LIMA1: variants seen among roughly 807,000 people sequenced by gnomAD.
The protein encoded by LIMA1 is LIM domain and actin-binding protein 1.
In LIMA1, 52 loss-of-function variants were observed where a neutral mutation model predicts 62.6. That is an observed-to-expected ratio of 0.83 (90% CI 0.67 to 1.05). The LOEUF (loss-of-function observed/expected upper bound fraction) is 1.05, where lower values mean the gene tolerates loss of function less well. LIMA1 is among the 50% of genes least tolerant of loss of function. The pLI is 0.00. For synonymous variants in LIMA1, 302 were observed against 317.8 expected, an observed-to-expected ratio of 0.95 and a Z score of 0.53; for missense variants, 780 against 902.2, an observed-to-expected ratio of 0.86 and a Z score of 1.74.
At chr12:50,213,851 A>G (rs1941298768) in intron 4 of LIMA1, among the ~76,000 whole-genome samples, 1 of 152,240 alleles carries the variant, frequency 6.6e-6, no homozygotes, top group Non-Finnish European at 1.5e-5. Context: ...ATGTTTTACT[A>G]TAATGAAACT....
At chr12:50,237,446 G>A (rs1318315222) in intron 2 of LIMA1, among the ~76,000 whole-genome samples, 1 of 152,156 alleles carries the variant, frequency 6.6e-6, no homozygotes, top group East Asian at 1.9e-4. Flanking sequence ...AGGCCAGCCT[G>A]GCCAACATGG....
Position 50,193,648 on chromosome 12 carries a change from G to A in LIMA1, c.1031-1087C>T, listed in dbSNP as rs866666168. Among the ~76,000 whole-genome samples the A allele has an allele frequency of 3.3e-3, 184 of 55,476 alleles. 1 individual carries two copies. Among genetic ancestry groups the A allele is most frequent in the African/African-American group, 0.014 (172 of 12,134 alleles). 36.4% of individuals were successfully genotyped at this position (55,476 alleles called of 152,430 possible). A position where few individuals can be genotyped will look rare whatever the true frequency, so the allele number is the denominator to read the frequency against. On this transcript the variant is annotated intron_variant, in intron 8 of 10. Transcript: ENST00000341247. ...TATATATACGTGTGTGTGTGTGTGT[G>A]TGTATATATATATATATATTTTTTT...
chr12:50,239,996 A>AATAAT (rs1555208899), intron 2 of LIMA1, among the ~76,000 whole-genome samples: 10 of 128,580 alleles, frequency 7.8e-5, no homozygotes, highest in African/African-American at 2.9e-4. Flanking sequence ...TCTATCTCAA[A>AATAAT]ATAACATAAC....
At chr12:50,272,701 C>T (rs932130533) in intron 1 of LIMA1, among the ~76,000 whole-genome samples, 15 of 151,866 alleles carry the variant, frequency 9.9e-5, no homozygotes, top group Non-Finnish European at 2.2e-4. Flanking sequence ...CACCGCCACA[C>T]AAGTGATAAA....
chr12:50,255,897 A>AT (rs535577778), intron 1 of LIMA1, among the ~76,000 whole-genome samples: 150 of 149,722 alleles, frequency 1.0e-3, no homozygotes, highest in African/African-American at 2.5e-3. Context: ...ATAGTTATTT[A>AT]TTTTTTTTTT....
intron 5 of LIMA1, among the ~76,000 whole-genome samples, chr12:50,205,003 A>G (rs909201497): frequency 6.6e-6 from 1 of 152,224 alleles, no homozygotes; most frequent in African/African-American, 2.4e-5. Flanking sequence ...AATCAGGAAT[A>G]TAATTGTCAT....
At chr12:50,227,516 C>A (rs1476958456) in intron 3 of LIMA1, among the ~76,000 whole-genome samples, 1 of 152,148 alleles carries the variant, frequency 6.6e-6, no homozygotes, top group Non-Finnish European at 1.5e-5. Flanking sequence ...ATGTGAGCCA[C>A]CGTGCCAGGC....
At chr12:50,218,135 G>A (rs1941379390) in intron 4 of LIMA1, 1 of 152,270 alleles carries the variant, frequency 6.6e-6, no homozygotes, top group African/African-American at 2.4e-5. Flanking sequence ...TCAATCTCCT[G>A]ACTTCGTGAT....
rs577695460 is a variant in LIMA1, at chr12:50,190,627, G to A, written c.1140+1825C>T. 1.6e-4 allele frequency among the ~76,000 whole-genome samples: 22 copies of A among 138,916 alleles called. No homozygotes were observed. The East Asian group carries it at 4.1e-3, about 26-fold the overall frequency. 91.1% of individuals were successfully genotyped at this position (138,916 alleles called of 152,430 possible). On this transcript the variant is annotated intron_variant, in intron 9 of 10. Transcript: ENST00000341247. Reference sequence around the variant, plus strand: ...ACTCCCGACCTCAGGTGATCCGCCCGTCTCAGCCTCCCAAAGTGCTGGGAT... The same window carrying A: ...ACTCCCGACCTCAGGTGATCCGCCCATCTCAGCCTCCCAAAGTGCTGGGAT...
chr12:50,243,454 T>C (rs1941805955), intron 2 of LIMA1, among the ~76,000 whole-genome samples: 1 of 152,230 alleles, frequency 6.6e-6, no homozygotes, highest in African/African-American at 2.4e-5. Flanking sequence ...TCTACAGCCA[T>C]ACCACCCTCA....
In LIMA1 at chr12:50,178,082, G is replaced by A; in HGVS notation, c.1275-13C>T. ...ATATGTTCCTAGACTGTCATTAAAA[G>A]AAAAAAAGCATAAACTTAGCAAATC... On this transcript the variant is annotated splice_polypyrimidine_tract_variant and intron_variant, in intron 10 of 10. Coordinates refer to ENST00000341247, the MANE Select transcript of LIMA1 (RefSeq NM_016357.5). 1 of 1,415,162 alleles carries A rather than the reference G, an allele frequency of 7.1e-7. No homozygotes were observed. 87.7% of individuals were successfully genotyped at this position (1,415,162 alleles called of 1,614,324 possible).
At chr12:50,233,671 G>C (rs1941646186) in intron 2 of LIMA1, among the ~76,000 whole-genome samples, 1 of 152,164 alleles carries the variant, frequency 6.6e-6, no homozygotes, top group Admixed American at 6.5e-5. Context: ...TTACAGGCAT[G>C]TGCCACCATG....
At chr12:50,250,910 C>T (rs958431873) in intron 1 of LIMA1, among the ~76,000 whole-genome samples, 1 of 152,060 alleles carries the variant, frequency 6.6e-6, no homozygotes, top group Non-Finnish European at 1.5e-5. Flanking sequence ...AAGAAAAGAC[C>T]CTGATACAGA....
At chr12:50,266,015 G>A (rs1942134765) in intron 1 of LIMA1, among the ~76,000 whole-genome samples, 1 of 152,008 alleles carries the variant, frequency 6.6e-6, no homozygotes, top group African/African-American at 2.4e-5. Context: ...AGGCTCCTCG[G>A]TCAGTGACTG....
At chr12:50,193,852 G>C (rs1352446588) in intron 8 of LIMA1, among the ~76,000 whole-genome samples, 1 of 148,438 alleles carries the variant, frequency 6.7e-6, no homozygotes, top group East Asian at 2.0e-4. Flanking sequence ...TTTTGGTAGA[G>C]ACAGGGTTTC....
intron 1 of LIMA1, among the ~76,000 whole-genome samples, chr12:50,280,986 G>A (rs1390733075): frequency 1.3e-5 from 2 of 152,190 alleles, no homozygotes; most frequent in African/African-American, 2.4e-5. Flanking sequence ...CCTATCTGCA[G>A]AAAGGGTACA....
chr12:50,259,760 A>G (rs1015394828), intron 1 of LIMA1, among the ~76,000 whole-genome samples: 1 of 152,212 alleles, frequency 6.6e-6, no homozygotes, highest in Admixed American at 6.5e-5. Flanking sequence ...ACATGAATCT[A>G]GACAATAGCA....
chr12:50,250,503 T>C (rs1328226188), intron 1 of LIMA1, among the ~76,000 whole-genome samples: 1 of 128,824 alleles, frequency 7.8e-6, no homozygotes, highest in African/African-American at 3.1e-5. Flanking sequence ...AGTTGGAGGC[T>C]ACAATGAGCT....
rs186496958 is a variant in LIMA1 at position 50,185,715 on chromosome 12, T to C, written c.1141-3678A>G. 8 of 334,546 alleles carry C rather than the reference T, an allele frequency of 2.4e-5. No individual in the cohort carries two copies. The East Asian group carries it at 6.1e-4, about 26-fold the overall frequency. The allele number at this position is 334,546 out of a possible 1,614,324, so 20.7% of individuals were successfully genotyped here. A position where few individuals can be genotyped will look rare whatever the true frequency, so the allele number is the denominator to read the frequency against. On this transcript the variant is annotated intron_variant, in intron 9 of 10. Coordinates refer to ENST00000341247, the MANE Select transcript of LIMA1 (RefSeq NM_016357.5). ...GAGTGTCTCATTAACAATTCTTTAG[T>C]GGCTTACTACCTCCCACACCTGACC... is the stretch of plus-strand genomic sequence containing the variant.
Sources: gnomAD v4.1 joint callset for allele counts (sites outside exome capture counted in the v4.1 genomes callset) on GRCh38, gnomAD v4.1.1 for gene constraint, MANE v1.5 for transcripts, NCBI Gene and HGNC (gene_info 2026-07-23, HGNC 2026-07-21) for gene names.